Variants in PPP2R3A observed in about 807,000 individuals in gnomAD.
PPP2R3A encodes the protein serine/threonine-protein phosphatase 2A regulatory subunit B'' subunit alpha.
A neutral mutation model predicts 106.9 loss-of-function variants in PPP2R3A; 80 were observed. The observed-to-expected ratio is 0.75, with a 90% CI of 0.62 to 0.90. The LOEUF (loss-of-function observed/expected upper bound fraction) is 0.90. PPP2R3A is among the 40% of genes least tolerant of loss of function. The pLI is 0.00. For synonymous variants in PPP2R3A, 483 were observed against 468.3 expected, an observed-to-expected ratio of 1.03 and a Z score of -0.41; for missense variants, 1,386 against 1,350.4, an observed-to-expected ratio of 1.03 and a Z score of -0.41.
rs543488054 is a variant in PPP2R3A at position 136,146,984 on chromosome 3, A to ATTT, written c.*1827_*1829dup. 1.3e-5 allele frequency: 2 copies of ATTT among 148,272 alleles called. No individual in the cohort carries two copies. The highest frequency in any genetic ancestry group is 4.9e-5 in the African/African-American group (2 of 40,546). 9.2% of individuals were successfully genotyped at this position (148,272 alleles called of 1,614,324 possible). On this transcript the variant is annotated 3_prime_UTR_variant, in exon 14 of 14. Transcript: ENST00000264977. ...GTAAAAATTCAATTTTACAATATACATTTTTTTTTTTAACTATTTGGCTTT... is the reference window on the plus strand; with the variant it reads ...GTAAAAATTCAATTTTACAATATACATTTTTTTTTTTTTTAACTATTTGGCTTT...
rs1936398659 is a variant in PPP2R3A, at chr3:136,070,564, C to T, written c.2544+12C>T. ...GCTACATCACCACGGTAGGCTGAGT[C>T]ATCTTTTTTCTTAATATAACTCCAT... On this transcript the variant is annotated intron_variant, in intron 6 of 13. Coordinates refer to ENST00000264977, the MANE Select transcript of PPP2R3A (RefSeq NM_002718.5). 8 of 1,593,186 alleles carry T rather than the reference C, an allele frequency of 5.0e-6. No individual in the cohort carries two copies. In the South Asian group the frequency reaches 6.8e-5, roughly 14 times the overall value.
intron 6 of PPP2R3A, among the ~76,000 whole-genome samples, chr3:136,073,789 T>C (rs1436745592): frequency 6.6e-6 from 1 of 152,246 alleles, no homozygotes; most frequent in Non-Finnish European, 1.5e-5. Context: ...TGAAACTTGG[T>C]CAAATAATGG....
intron 12 of PPP2R3A, 135 bp from the exon 13 acceptor site, chr3:136,106,081 C>A: frequency 1.4e-6 from 1 of 707,278 alleles, no homozygotes; most frequent in Non-Finnish European, 2.3e-6. Flanking sequence ...TACCTTAGCA[C>A]CTCTTTTAAA....
chr3:135,996,488 G>T (rs1249890249), intron 1 of PPP2R3A, among the ~76,000 whole-genome samples: 1 of 152,178 alleles, frequency 6.6e-6, no homozygotes, highest in Non-Finnish European at 1.5e-5. Context: ...CTGATATGTA[G>T]AGAGAAATAT....
At chr3:135,980,346 G>A (rs1010556274) in intron 1 of PPP2R3A, among the ~76,000 whole-genome samples, 3 of 151,410 alleles carry the variant, frequency 2.0e-5, no homozygotes, top group Non-Finnish European at 4.4e-5. Context: ...GGAAATGAAC[G>A]AAATATCTTG....
intron 13 of PPP2R3A, among the ~76,000 whole-genome samples, chr3:136,115,051 C>T (rs370038627): frequency 2.0e-5 from 3 of 152,276 alleles, no homozygotes; most frequent in East Asian, 1.9e-4. Flanking sequence ...CCATCTGGGA[C>T]GAAGCTTCCA....
intron 4 of PPP2R3A, among the ~76,000 whole-genome samples, chr3:136,041,630 G>A (rs1232751609): frequency 6.6e-6 from 1 of 151,736 alleles, no homozygotes; most frequent in African/African-American, 2.4e-5. Context: ...TTTATGGGGG[G>A]CAAATCAGAT....
At chr3:135,966,009 A>C (rs745958391) in intron 1 of PPP2R3A, among the ~76,000 whole-genome samples, 160 bp downstream of exon 1, 29 of 151,752 alleles carry the variant, frequency 1.9e-4, no homozygotes, top group Admixed American at 4.6e-4. Flanking sequence ...CACGGAGCTG[A>C]TTGGGCTGTG....
chr3:136,090,241 A>G (rs1158752958), intron 9 of PPP2R3A, among the ~76,000 whole-genome samples: 3 of 152,168 alleles, frequency 2.0e-5, no homozygotes, highest in Non-Finnish European at 2.9e-5. Flanking sequence ...TGTGTTTGTC[A>G]TAACGGCTCT....
At chr3:136,023,175 C>G (rs769901380) in intron 2 of PPP2R3A, 2 of 1,612,982 alleles carry the variant, frequency 1.2e-6, no homozygotes, top group Non-Finnish European at 1.7e-6. Flanking sequence ...GTTTAAGAAG[C>G]GGCTGAAGTC....
At chr3:136,043,619 G>A (rs1018631309) in intron 4 of PPP2R3A, among the ~76,000 whole-genome samples, 3 of 152,086 alleles carry the variant, frequency 2.0e-5, no homozygotes, top group Non-Finnish European at 2.9e-5. Context: ...CTTATAGTCA[G>A]GACATTTTTA....
chr3:135,991,402 A>G (rs577311015), intron 1 of PPP2R3A, among the ~76,000 whole-genome samples: 1 of 152,244 alleles, frequency 6.6e-6, no homozygotes, highest in South Asian at 2.1e-4. Flanking sequence ...CTTAAAATAT[A>G]GCTAGACAGA....
chr3:136,109,045 A>G (rs1026853807), intron 13 of PPP2R3A, among the ~76,000 whole-genome samples: 3 of 152,216 alleles, frequency 2.0e-5, no homozygotes, highest in Admixed American at 2.0e-4. Flanking sequence ...TGAGCATTCA[A>G]TCCATTTAAA....
At chr3:136,053,288 A>G (rs997645196) in intron 5 of PPP2R3A, among the ~76,000 whole-genome samples, 13 of 152,194 alleles carry the variant, frequency 8.5e-5, no homozygotes, top group African/African-American at 3.1e-4. Flanking sequence ...ACCTAAAATA[A>G]AAGTTTAAAA....
intron 7 of PPP2R3A, among the ~76,000 whole-genome samples, chr3:136,080,953 G>A (rs541793164): frequency 1.4e-3 from 214 of 151,900 alleles, no homozygotes; most frequent in Admixed American, 1.9e-3. Context: ...ACTAACATTT[G>A]TGTTATGAAA....
rs74451882 is a variant in PPP2R3A at position 135,970,884 on chromosome 3, G to T, written c.-441+5035G>T. The stretch of plus-strand genomic sequence containing the variant: ...CTACTTTTTACTGAGAAGAAATTTT[G>T]CCAGGACTGTTGAAGGGGCTGACTC... On this transcript the variant is annotated intron_variant, in intron 1 of 13. Coordinates refer to ENST00000264977, the MANE Select transcript of PPP2R3A (RefSeq NM_002718.5). Among the ~76,000 whole-genome samples, 9 of 152,220 alleles carry T rather than the reference G, an allele frequency of 5.9e-5. No individual in the cohort carries two copies. The East Asian group carries it at 1.2e-3, about 20-fold the overall frequency.
chr3:136,048,526 G>A (rs1226408845), intron 4 of PPP2R3A, among the ~76,000 whole-genome samples: 1 of 152,124 alleles, frequency 6.6e-6, no homozygotes, highest in East Asian at 1.9e-4. Context: ...ACAAAAACTA[G>A]CCAGGCGTGG....
At chr3:136,125,689 AAAG>A (rs1319532752) in intron 13 of PPP2R3A, among the ~76,000 whole-genome samples, 4 of 152,180 alleles carry the variant, frequency 2.6e-5, no homozygotes, top group Non-Finnish European at 5.9e-5. Context: ...CCTATTAAAA[AAAG>A]AAAGAAAACA....
chr3:136,002,649 A>T lies in PPP2R3A; in HGVS notation c.1151A>T (p.Asp384Val), dbSNP rs906968626. Residue 384 changes from aspartate to valine, a missense_variant, in exon 2 of 14, where the codon GAT (aspartate) becomes GTT (valine). Asp to Val is a radical substitution (Grantham distance 152, BLOSUM62 -3). Transcript: ENST00000264977. ...TCCTTATATAACTTAGAGGTAAATG[A>T]TCCTAGAACTCTAAAAGCTGTCCAG... ...TNSLYNLEVN[D>V]PRTLKAVQVQ... 1.9e-6 allele frequency: 3 copies of T among 1,613,650 alleles called. No individual in the cohort carries two copies. The highest frequency in any genetic ancestry group is 2.5e-6 in the Non-Finnish European group (3 of 1,179,552).
Sources: gnomAD v4.1 joint callset for allele counts (sites outside exome capture counted in the v4.1 genomes callset) on GRCh38, gnomAD v4.1.1 for gene constraint, MANE v1.5 for transcripts, NCBI Gene and HGNC (gene_info 2026-07-23, HGNC 2026-07-21) for gene names.